Variants in NUDT7 observed in about 807,000 individuals in gnomAD.
NUDT7 encodes the protein peroxisomal coenzyme A diphosphatase NUDT7.
Under a neutral mutation model 13.1 loss-of-function variants are expected in NUDT7, and 19 were observed. The ratio of observed to expected loss-of-function variants is 1.45; its 90% CI spans 1.01 to 2.13. The LOEUF is 2.13. Ranked by LOEUF, NUDT7 falls within the 30% of genes most tolerant of loss-of-function variation. The pLI is 0.00. For missense variants in NUDT7, 360 were observed against 291.7 expected, an observed-to-expected ratio of 1.23 and a Z score of -1.71; for synonymous variants, 132 against 109.7, an observed-to-expected ratio of 1.20 and a Z score of -1.27.
intron 2 of NUDT7, chr16:77,735,337 T>C: frequency 4.3e-6 from 2 of 462,166 alleles, no homozygotes; most frequent in Non-Finnish European, 3.9e-6. Flanking sequence ...TCTCACGAGA[T>C]AAGGTTGTTT....
chr16:77,739,964 G>A (rs1037586266), intron 3 of NUDT7, among the ~76,000 whole-genome samples: 1 of 152,108 alleles, frequency 6.6e-6, no homozygotes, highest in Non-Finnish European at 1.5e-5. Context: ...TCCCTTATGA[G>A]TATTGCTCCC....
At position 77,730,681 on chromosome 16, in the gene NUDT7, C is replaced by A. The variant is rs2014291434; in HGVS notation, c.189+5097C>A. On this transcript the variant is annotated intron_variant, in intron 2 of 3. Transcript: ENST00000268533. ...TTCTGTTTTTAATTTTTTGAGAAAC[C>A]TCCATTCTGTTTTCCACAATGATTG... Among the ~76,000 whole-genome samples the A allele has an allele frequency of 2.0e-5, 3 of 151,968 alleles. No individual in the cohort carries two copies. The South Asian group carries it at 6.2e-4, about 32-fold the overall frequency.
chr16:77,725,503 A>G lies in NUDT7; in HGVS notation c.108A>G (p.Pro36=), dbSNP rs913605697. The G allele has an allele frequency of 4.3e-6, 7 of 1,613,820 alleles. No individual in the cohort carries two copies. Among genetic ancestry groups the G allele is most frequent in the South Asian group, 1.1e-5 (1 of 91,076 alleles). ...YDIGGKYSHL[P]YNKYSVLLPL... is the part of the protein sequence containing the mutation. ...TTGGAGGCAAATATTCTCACTTGCCATATAACAAATACTCCGTCCTTTTGC... is the reference window on the plus strand; with the variant it reads ...TTGGAGGCAAATATTCTCACTTGCCGTATAACAAATACTCCGTCCTTTTGC... The change falls in exon 2 of 4, where the codon CCA becomes CCG. Residue 36 remains proline, a synonymous_variant. Coordinates refer to ENST00000268533, the MANE Select transcript of NUDT7 (RefSeq NM_001105663.3).
intron 2 of NUDT7, among the ~76,000 whole-genome samples, chr16:77,732,202 C>T (rs1237761885): frequency 3.9e-5 from 6 of 151,976 alleles, no homozygotes; most frequent in Admixed American, 3.3e-4. Context: ...CTGGCGGGTG[C>T]CTGTAATTCC....
At position 77,742,000 on chromosome 16, in the gene NUDT7, T is replaced by C. The variant is rs369736128; in HGVS notation, c.*50T>C. The C allele has an allele frequency of 7.3e-6, 11 of 1,511,810 alleles. No individual in the cohort carries two copies. The South Asian group carries it at 1.2e-4, about 17-fold the overall frequency. The allele number at this position is 1,511,810 out of a possible 1,614,324, so 93.6% of individuals were successfully genotyped here. On this transcript the variant is annotated 3_prime_UTR_variant, in exon 4 of 4. Coordinates refer to ENST00000268533, the MANE Select transcript of NUDT7 (RefSeq NM_001105663.3). ...CTATTCACGAGGATTCTGTGTGTGC[T>C]TATTCGTAGAACAACAACAATGCCA...
At chr16:77,724,502 G>A (rs1348184928) in intron 1 of NUDT7, among the ~76,000 whole-genome samples, 1 of 151,894 alleles carries the variant, frequency 6.6e-6, no homozygotes, top group Non-Finnish European at 1.5e-5. Context: ...CAAACTCCTG[G>A]GCCCAAGCAA....
At chr16:77,741,536 G>A (rs1335297104) in intron 3 of NUDT7, 46 bp from the exon 4 acceptor site, 1 of 1,528,694 alleles carries the variant, frequency 6.5e-7, no homozygotes, top group Non-Finnish European at 8.8e-7. Context: ...ATTTGAAGCA[G>A]TATCACTTCA....
intron 2 of NUDT7, among the ~76,000 whole-genome samples, chr16:77,726,569 G>A (rs907466472): frequency 6.6e-6 from 1 of 152,118 alleles, no homozygotes; most frequent in Non-Finnish European, 1.5e-5. Flanking sequence ...GGCCAAGGTG[G>A]GAGGATCACG....
chr16:77,741,736 A>C lies in NUDT7; in HGVS notation c.503A>C (p.His168Pro). ...CAGCATTACGTCACACGTCTTGGTC[A>C]CCGTTTTATTAATCATATCTTTGAG... ...HDQHYVTRLG[H>P]RFINHIFEYT... The change falls in exon 4 of 4, where the codon CAC (histidine) becomes CCC (proline). Residue 168 changes from histidine to proline, a missense_variant. By Grantham distance (77) the His-to-Pro change is moderately conservative. Transcript: ENST00000268533. 1 of 1,614,124 alleles carries C rather than the reference A, an allele frequency of 6.2e-7. No homozygotes were observed. The highest frequency in any genetic ancestry group is 8.5e-7 in the Non-Finnish European group (1 of 1,180,022).
At position 77,722,552 on chromosome 16, in the gene NUDT7, G is replaced by A. The variant is rs1305047003; in HGVS notation, c.-31G>A. ...GCGACCGACCGAGCAGCTCCGAGGA[G>A]TCCGCCCGGAAACAAACATTCCCCA... is the stretch of plus-strand genomic sequence containing the variant. On this transcript the variant is annotated 5_prime_UTR_variant, in exon 1 of 4. Coordinates refer to ENST00000268533, the MANE Select transcript of NUDT7 (RefSeq NM_001105663.3). 3.2e-6 allele frequency: 5 copies of A among 1,570,476 alleles called. No individual in the cohort carries two copies. Among genetic ancestry groups the A allele is most frequent in the Non-Finnish European group, 4.3e-6 (5 of 1,156,882 alleles).
chr16:77,741,387 T>G, intron 3 of NUDT7, 195 bp from the exon 4 acceptor site: 1 of 548,302 alleles, frequency 1.8e-6, no homozygotes, highest in Non-Finnish European at 3.2e-6. Flanking sequence ...CAGAGTCATC[T>G]CATAGATGTC....
chr16:77,736,105 A>C, intron 3 of NUDT7, 119 bp downstream of exon 3: 6 of 966,136 alleles, frequency 6.2e-6, no homozygotes, highest in Non-Finnish European at 9.3e-6. Context: ...AAGTCAAGAG[A>C]ACAGGTTCTC....
intron 3 of NUDT7, among the ~76,000 whole-genome samples, chr16:77,739,619 G>C (rs2014596240): frequency 1.3e-5 from 2 of 152,264 alleles, no homozygotes; most frequent in Non-Finnish European, 1.5e-5. Context: ...TGGTGACTAA[G>C]CATGCCCTAA....
At chr16:77,727,818 C>T (rs1240264151) in intron 2 of NUDT7, among the ~76,000 whole-genome samples, 2 of 152,040 alleles carry the variant, frequency 1.3e-5, no homozygotes, top group Non-Finnish European at 2.9e-5. Context: ...GATCGTGCCA[C>T]TGCACTCCAG....
chr16:77,723,601 T>G (rs1465882679), intron 1 of NUDT7, among the ~76,000 whole-genome samples: 10 of 150,246 alleles, frequency 6.7e-5, no homozygotes, highest in Admixed American at 5.3e-4. Context: ...ACTTTTTTTT[T>G]TTTTTTTTTG....
Position 77,734,765 on chromosome 16 carries a change from A to T in NUDT7, c.190-1063A>T, listed in dbSNP as rs148437857. ...GTAGAACATGAAGAACCTCAAAAAC[A>T]TATGTGAAGGGAAAAATGCCAGACA... On this transcript the variant is annotated intron_variant, in intron 2 of 3. Coordinates refer to ENST00000268533, the MANE Select transcript of NUDT7 (RefSeq NM_001105663.3). Among the ~76,000 whole-genome samples, 141 of 152,300 alleles carry T rather than the reference A, an allele frequency of 9.3e-4. 1 individual carries two copies. The highest frequency in any genetic ancestry group is 3.3e-3 in the African/African-American group (138 of 41,572).
chr16:77,729,479 A>G (rs2014244158), intron 2 of NUDT7, among the ~76,000 whole-genome samples: 1 of 152,156 alleles, frequency 6.6e-6, no homozygotes, highest in African/African-American at 2.4e-5. Context: ...CACCATATAC[A>G]TCATATAGTA....
chr16:77,728,146 T>A (rs1398139209), intron 2 of NUDT7, among the ~76,000 whole-genome samples: 1 of 152,044 alleles, frequency 6.6e-6, no homozygotes, highest in South Asian at 2.1e-4. Flanking sequence ...GGTAGGAGAT[T>A]TCCCCCCAGT....
chr16:77,739,401 A>G (rs915181466), intron 3 of NUDT7, among the ~76,000 whole-genome samples: 5 of 152,142 alleles, frequency 3.3e-5, no homozygotes, highest in African/African-American at 1.2e-4. Flanking sequence ...TTTTTAGACC[A>G]TGTAGGGTAA....
Sources: gnomAD v4.1 joint callset for allele counts (sites outside exome capture counted in the v4.1 genomes callset) on GRCh38, gnomAD v4.1.1 for gene constraint, MANE v1.5 for transcripts, NCBI Gene and HGNC (gene_info 2026-07-23, HGNC 2026-07-21) for gene names.